The following NFYA variants were observed in gnomAD, a reference collection of about 807,000 sequenced individuals.
The protein encoded by NFYA is nuclear transcription factor Y subunit alpha, also known as CAAT-box DNA binding protein subunit A.
A neutral mutation model predicts 52.8 loss-of-function variants in NFYA; 28 were observed. The ratio of observed to expected loss-of-function variants is 0.53; its 90% CI spans 0.39 to 0.73. The LOEUF (loss-of-function observed/expected upper bound fraction) is 0.73, where lower values mean the gene tolerates loss of function less well. NFYA is among the 30% of genes least tolerant of loss of function. The pLI is 0.00. For missense variants in NFYA, 234 were observed against 427.0 expected (o/e 0.55, Z 3.98); for synonymous variants, 150 against 150.7 (o/e 1.00, Z 0.03).
chr6:41,077,552 T>C (rs1763775934), intron 1 of NFYA, among the ~76,000 whole-genome samples: 2 of 152,100 alleles, frequency 1.3e-5, no homozygotes, highest in Admixed American at 6.5e-5. Context: ...GTATTGTGTA[T>C]TAGAGACAAG....
At chr6:41,073,195 T>TCGAGCTGAGC in intron 1 of NFYA, 111 bp downstream of exon 1, 1 of 150,616 alleles carries the variant, frequency 6.6e-6, no homozygotes, top group East Asian at 2.0e-4. Flanking sequence ...GCCCGGGGAG[T>TCGAGCTGAGC]CGAGCTGAGC....
chr6:41,085,673 G>C (rs1328637260), intron 4 of NFYA, among the ~76,000 whole-genome samples: 3 of 151,960 alleles, frequency 2.0e-5, no homozygotes, highest in Non-Finnish European at 2.9e-5. Context: ...AATCAAACTT[G>C]TACTTTTTGT....
In NFYA at chr6:41,099,367, A is replaced by G. The variant is rs977628911; in HGVS notation, c.*1957A>G. 6.6e-6 allele frequency: 1 copy of G among 152,252 alleles called. No homozygotes were observed. Among genetic ancestry groups the G allele is most frequent in the Non-Finnish European group, 1.5e-5 (1 of 68,038 alleles). The allele number at this position is 152,252 out of a possible 1,614,324, so 9.4% of individuals were successfully genotyped here. A position where few individuals can be genotyped will look rare whatever the true frequency, so the allele number is the denominator to read the frequency against. On this transcript the variant is annotated 3_prime_UTR_variant, in exon 10 of 10. Coordinates refer to ENST00000341376, the MANE Select transcript of NFYA (RefSeq NM_002505.5). ...CTAACTTTGAGTGCTTAAGCTGCCA[A>G]CAGTTAGAAGATGCTATTTATTTGT...
intron 1 of NFYA, among the ~76,000 whole-genome samples, chr6:41,076,124 G>T (rs936131891): frequency 6.6e-6 from 1 of 152,166 alleles, no homozygotes; most frequent in Non-Finnish European, 1.5e-5. Flanking sequence ...GAAAATATCT[G>T]CCAGGCATGA....
chr6:41,073,745 G>A (rs1352466014), intron 1 of NFYA, among the ~76,000 whole-genome samples: 2 of 152,072 alleles, frequency 1.3e-5, no homozygotes, highest in East Asian at 1.9e-4. Flanking sequence ...CTGGTGGGGA[G>A]AGGGGGCCGT....
At chr6:41,091,816 A>G in intron 7 of NFYA, 122 bp downstream of exon 7, 1 of 1,067,838 alleles carries the variant, frequency 9.4e-7, no homozygotes, top group South Asian at 1.6e-5. Context: ...CACTGTCGGT[A>G]ATCTACTTTG....
intron 4 of NFYA, among the ~76,000 whole-genome samples, chr6:41,086,364 C>G (rs1466217231): frequency 6.6e-6 from 1 of 152,058 alleles, no homozygotes; most frequent in Non-Finnish European, 1.5e-5. Flanking sequence ...TTTTATTTTG[C>G]TATAAGGAAC....
rs1235141122 is a variant in NFYA, at chr6:41,091,829, A to G, written c.714+135A>G. The G allele has an allele frequency of 5.3e-6, 5 of 948,608 alleles. No homozygotes were observed. In the African/African-American group the frequency reaches 8.3e-5, roughly 16 times the overall value. The allele number at this position is 948,608 out of a possible 1,614,324, so 58.8% of individuals were successfully genotyped here. A position where few individuals can be genotyped will look rare whatever the true frequency, so the allele number is the denominator to read the frequency against. On this transcript the variant is annotated intron_variant, in intron 7 of 9. Transcript: ENST00000341376. ...GGCACTGTCGGTAATCTACTTTGAC[A>G]ATAACATTATGACAAACCATAATTC...
intron 9 of NFYA, among the ~76,000 whole-genome samples, chr6:41,095,767 A>G (rs147875157): frequency 3.7e-3 from 561 of 152,194 alleles, no homozygotes; most frequent in Admixed American, 7.7e-3. Context: ...AAGTTGTTGA[A>G]TTTTTCAAGA....
At chr6:41,089,390 T>C (rs958150219) in intron 4 of NFYA, among the ~76,000 whole-genome samples, 189 bp from the exon 5 acceptor site, 12 of 152,224 alleles carry the variant, frequency 7.9e-5, no homozygotes, top group African/African-American at 2.7e-4. Flanking sequence ...CCAGACAGTG[T>C]CGAAATTCCC....
intron 6 of NFYA, 135 bp downstream of exon 6, chr6:41,090,444 T>G: frequency 1.8e-6 from 1 of 566,408 alleles, no homozygotes; most frequent in Non-Finnish European, 3.2e-6. Context: ...AGATTTCCTC[T>G]AGCTCTCCAT....
chr6:41,090,897 TAAATCA>T (rs780317115), intron 6 of NFYA, among the ~76,000 whole-genome samples: 2 of 152,174 alleles, frequency 1.3e-5, no homozygotes, highest in Non-Finnish European at 2.9e-5. Context: ...GTCAAATAGT[TAAATCA>T]AAAAAGGACA....
At chr6:41,078,599 G>A (rs1561850250) in intron 1 of NFYA, among the ~76,000 whole-genome samples, 2 of 152,134 alleles carry the variant, frequency 1.3e-5, no homozygotes. Context: ...TCTATGAGAA[G>A]GGTAAATTTT....
rs1378006408 is a variant in NFYA at position 41,098,046 on chromosome 6, G to A, written c.*636G>A. ...AAAAAGCTAATTCTGGGGATAGAATGATAAAAGACTCAAGCACTAAAAATA... is the reference window on the plus strand; with the variant it reads ...AAAAAGCTAATTCTGGGGATAGAATAATAAAAGACTCAAGCACTAAAAATA... On this transcript the variant is annotated 3_prime_UTR_variant, in exon 10 of 10. Transcript: ENST00000341376. The A allele has an allele frequency of 6.5e-6, 1 of 152,706 alleles. No homozygotes were observed. The highest frequency in any genetic ancestry group is 1.5e-5 in the Non-Finnish European group (1 of 68,088). The allele number at this position is 152,706 out of a possible 1,614,324, so 9.5% of individuals were successfully genotyped here.
Position 41,088,362 on chromosome 6 carries a change from G to T in NFYA, c.310-1217G>T, listed in dbSNP as rs1431334403. ...GGCATGAACCCAGGAGGCGGAGCTT[G>T]CAGTGAGCCAAGATCACACCACTGC... On this transcript the variant is annotated intron_variant, in intron 4 of 9. Coordinates refer to ENST00000341376, the MANE Select transcript of NFYA (RefSeq NM_002505.5). Among the ~76,000 whole-genome samples the T allele has an allele frequency of 2.1e-5, 3 of 144,666 alleles. No homozygotes were observed. The Admixed American group carries it at 2.1e-4, about 10-fold the overall frequency. 94.9% of individuals were successfully genotyped at this position (144,666 alleles called of 152,430 possible).
chr6:41,084,108 A>G lies in NFYA; in HGVS notation c.225A>G (p.Gln75=). The change falls in exon 4 of 10, where the codon CAA becomes CAG. Residue 75 remains glutamine, a synonymous_variant. Coordinates refer to ENST00000341376, the MANE Select transcript of NFYA (RefSeq NM_002505.5). ...GCCAGCTAATCACATCAACTGGCCAACCCATCATGGTCCAGGCTGTCCCTG... is the reference window on the plus strand; with the variant it reads ...GCCAGCTAATCACATCAACTGGCCAGCCCATCATGGTCCAGGCTGTCCCTG... ...SGGQLITSTG[Q]PIMVQAVPGG... The G allele has an allele frequency of 1.2e-6, 2 of 1,614,170 alleles. No homozygotes were observed. Among genetic ancestry groups the G allele is most frequent in the Non-Finnish European group, 8.5e-7 (1 of 1,180,012 alleles).
At chr6:41,096,260 A>T (rs1764353155) in intron 9 of NFYA, among the ~76,000 whole-genome samples, 1 of 152,204 alleles carries the variant, frequency 6.6e-6, no homozygotes, top group Non-Finnish European at 1.5e-5. Flanking sequence ...ATGAACACTA[A>T]CAACTCTTTC....
chr6:41,090,088 C>A, intron 5 of NFYA, 116 bp from the exon 6 acceptor site: 3 of 674,002 alleles, frequency 4.5e-6, no homozygotes, highest in Non-Finnish European at 7.6e-6. Flanking sequence ...GCACTCCAGC[C>A]TGGCGACAGA....
chr6:41,094,523 T>C, intron 9 of NFYA, 26 bp downstream of exon 9: 1 of 1,568,620 alleles, frequency 6.4e-7, no homozygotes, highest in Non-Finnish European at 8.8e-7. Flanking sequence ...CATTTTATTC[T>C]TCTCTTTATT....
Sources: gnomAD v4.1 joint callset for allele counts (sites outside exome capture counted in the v4.1 genomes callset) on GRCh38, gnomAD v4.1.1 for gene constraint, MANE v1.5 for transcripts, NCBI Gene and HGNC (gene_info 2026-07-23, HGNC 2026-07-21) for gene names.